The following BAZ2B variants were observed in gnomAD, a reference collection of about 807,000 sequenced individuals.
The protein encoded by BAZ2B is bromodomain adjacent to zinc finger domain protein 2B.
BAZ2B carries 91 observed loss-of-function variants against 246.0 expected under a neutral mutation model. The ratio of observed to expected loss-of-function variants is 0.37; its 90% CI spans 0.31 to 0.44. BAZ2B has a LOEUF of 0.44. Ranked by LOEUF, BAZ2B falls within the 20% of genes least tolerant of loss-of-function variation. BAZ2B has a pLI of 1.00. For synonymous variants in BAZ2B, 855 were observed against 860.0 expected (o/e 0.99, Z 0.10); for missense variants, 2,332 against 2,533.7 (o/e 0.92, Z 1.71).
rs140857373 is a variant in BAZ2B, at chr2:159,551,778, T to C, written c.-3+4045A>G. ...TCTAACAGGATAAAGCAAAGTCAGG[T>C]TAGTCCAAGTTCTCAAATCATGTAA... On this transcript the variant is annotated intron_variant, in intron 2 of 36. Transcript: ENST00000392783. 5.9e-3 allele frequency among the ~76,000 whole-genome samples: 899 copies of C among 152,240 alleles called. 3 individuals are homozygous for C. The highest frequency in any genetic ancestry group is 0.02 in the African/African-American group (845 of 41,538).
At chr2:159,598,821 C>T (rs1269730187) in intron 1 of BAZ2B, among the ~76,000 whole-genome samples, 1 of 152,024 alleles carries the variant, frequency 6.6e-6, no homozygotes, top group Admixed American at 6.6e-5. Context: ...TGCATTCCAG[C>T]CAGGGAGACA....
chr2:159,408,835 G>A (rs916049884), intron 14 of BAZ2B, among the ~76,000 whole-genome samples: 2 of 152,082 alleles, frequency 1.3e-5, no homozygotes, highest in African/African-American at 2.4e-5. Context: ...CAGGAGAATC[G>A]CTGAACGCAG....
the BAZ2B span, among the ~76,000 whole-genome samples, chr2:159,711,331 C>G: frequency 1.3e-5 from 2 of 152,202 alleles, no homozygotes; most frequent in Admixed American, 1.3e-4. Context: ...TTGGCACTTA[C>G]ATGCCAACTT....
chr2:159,422,919 T>A (rs13022220), intron 13 of BAZ2B, among the ~76,000 whole-genome samples: 1 of 151,936 alleles, frequency 6.6e-6, no homozygotes, highest in Non-Finnish European at 1.5e-5. Context: ...AAAAGATACA[T>A]GGAGCCAACA....
chr2:159,521,930 A>G (rs2084179834), intron 2 of BAZ2B, among the ~76,000 whole-genome samples: 1 of 152,198 alleles, frequency 6.6e-6, no homozygotes, highest in East Asian at 1.9e-4. Context: ...AAATAAGAAA[A>G]TAATAAATAC....
the BAZ2B span, among the ~76,000 whole-genome samples, chr2:159,662,665 C>T: frequency 5.9e-5 from 9 of 152,050 alleles, no homozygotes; most frequent in African/African-American, 2.2e-4. Flanking sequence ...GCTGAGATTA[C>T]AGGTGCCCAC....
intron 20 of BAZ2B, among the ~76,000 whole-genome samples, chr2:159,392,498 TC>T (rs1559235121): frequency 6.6e-6 from 1 of 152,120 alleles, no homozygotes; most frequent in Non-Finnish European, 1.5e-5. Context: ...ATAAGCCTCT[TC>T]TAGAGGGCAG....
intron 2 of BAZ2B, among the ~76,000 whole-genome samples, chr2:159,506,834 C>T (rs1203631570): frequency 6.6e-6 from 1 of 151,936 alleles, no homozygotes; most frequent in Non-Finnish European, 1.5e-5. Flanking sequence ...TAATTTGTGT[C>T]CTAGAGTGAA....
At chr2:159,700,643 C>T in the BAZ2B span, among the ~76,000 whole-genome samples, 1 of 152,288 alleles carries the variant, frequency 6.6e-6, no homozygotes, top group East Asian at 1.9e-4. Flanking sequence ...GACAGGGTTT[C>T]ACCATATTGG....
At chr2:159,650,289 G>C in the BAZ2B span, among the ~76,000 whole-genome samples, 1 of 150,862 alleles carries the variant, frequency 6.6e-6, no homozygotes, top group African/African-American at 2.4e-5. Context: ...TGCTGAACAT[G>C]TTTGTATTAC....
At chr2:159,470,633 G>C (rs909857554) in intron 3 of BAZ2B, among the ~76,000 whole-genome samples, 1 of 152,178 alleles carries the variant, frequency 6.6e-6, no homozygotes, top group Non-Finnish European at 1.5e-5. Flanking sequence ...TGGTAGCAGA[G>C]ACAGAAAGAA....
At chr2:159,507,012 C>T (rs886805210) in intron 2 of BAZ2B, among the ~76,000 whole-genome samples, 4 of 152,162 alleles carry the variant, frequency 2.6e-5, no homozygotes, top group Admixed American at 2.6e-4. Flanking sequence ...AGGTGCAATA[C>T]TTTGTGGAGC....
the BAZ2B span, among the ~76,000 whole-genome samples, chr2:159,659,802 C>A: frequency 2.6e-5 from 4 of 152,168 alleles, no homozygotes; most frequent in African/African-American, 9.7e-5. Context: ...ATTTCCAGGG[C>A]ACAGAAGTTG....
chr2:159,652,118 C>A, the BAZ2B span, among the ~76,000 whole-genome samples: 3 of 152,054 alleles, frequency 2.0e-5, no homozygotes, highest in African/African-American at 7.2e-5. Context: ...AACTGACAGA[C>A]TGCTTTCCAA....
At chr2:159,542,461 T>C (rs1385375790) in intron 2 of BAZ2B, among the ~76,000 whole-genome samples, 1 of 152,024 alleles carries the variant, frequency 6.6e-6, no homozygotes, top group Non-Finnish European at 1.5e-5. Context: ...TATGTTCTTA[T>C]GTACAAGGAA....
chr2:159,566,870 CATAAT>C (rs1337681709), intron 1 of BAZ2B, among the ~76,000 whole-genome samples: 3 of 151,818 alleles, frequency 2.0e-5, no homozygotes, highest in African/African-American at 7.3e-5. Flanking sequence ...TACTAAGGTA[CATAAT>C]ATACAGGTTA....
chr2:159,672,418 C>G, the BAZ2B span, among the ~76,000 whole-genome samples: 1 of 152,130 alleles, frequency 6.6e-6, no homozygotes, highest in African/African-American at 2.4e-5. Flanking sequence ...TTGTCTTTTT[C>G]TTTCCCATAA....
At chr2:159,375,823 G>T (rs1383202243) in intron 25 of BAZ2B, among the ~76,000 whole-genome samples, 1 of 152,154 alleles carries the variant, frequency 6.6e-6, no homozygotes, top group Admixed American at 6.6e-5. Context: ...TGATGTTAAG[G>T]TTTTAAATCT....
At chr2:159,519,672 T>TC (rs1288939778) in intron 2 of BAZ2B, among the ~76,000 whole-genome samples, 25 of 135,306 alleles carry the variant, frequency 1.8e-4, no homozygotes, top group South Asian at 5.0e-4. Context: ...CCTTTCTTCT[T>TC]TTTTTTTTTT....
Sources: gnomAD v4.1 joint callset for allele counts (sites outside exome capture counted in the v4.1 genomes callset) on GRCh38, gnomAD v4.1.1 for gene constraint, MANE v1.5 for transcripts, NCBI Gene and HGNC (gene_info 2026-07-23, HGNC 2026-07-21) for gene names.